PCDH17: variants seen among roughly 807,000 people sequenced by gnomAD.
The protein encoded by PCDH17 is protocadherin 17, also known as protocadherin-17.
In PCDH17, 21 loss-of-function variants were observed where a neutral mutation model predicts 67.7. The observed-to-expected ratio is 0.31, with a 90% CI of 0.22 to 0.45. PCDH17 has a LOEUF of 0.45. Among genes scored for constraint, PCDH17 ranks in the 20% least tolerant of loss-of-function variants. PCDH17 has a pLI of 1.00. For missense variants in PCDH17, 1,471 were observed against 1,564.8 expected, an observed-to-expected ratio of 0.94 and a Z score of 1.01; for synonymous variants, 701 against 656.7, an observed-to-expected ratio of 1.07 and a Z score of -1.03.
At chr13:57,719,538 G>T (rs1437206052) in intron 3 of PCDH17, among the ~76,000 whole-genome samples, 1 of 152,052 alleles carries the variant, frequency 6.6e-6, no homozygotes, top group African/African-American at 2.4e-5. Flanking sequence ...GTACAAATAT[G>T]TAAGTTCCCA....
intron 3 of PCDH17, among the ~76,000 whole-genome samples, chr13:57,690,088 C>T (rs1225247361): frequency 6.6e-6 from 1 of 151,588 alleles, no homozygotes; most frequent in Admixed American, 6.6e-5. Context: ...AGAATCTTCA[C>T]ATAACCAGGC....
In PCDH17 at chr13:57,646,990, C is replaced by T. The variant is rs146053207; in HGVS notation, c.2565+11879C>T. ...TGCCAGGAACAAGTTTTCTCTTAGA[C>T]ACCATCAACCAGAAACTGGGCTTGT... On this transcript the variant is annotated intron_variant, in intron 1 of 3. Transcript: ENST00000377918. 2.2e-3 allele frequency among the ~76,000 whole-genome samples: 329 copies of T among 151,924 alleles called. 1 individual carries two copies. The highest frequency in any genetic ancestry group is 7.0e-3 in the Admixed American group (106 of 15,226).
At chr13:57,673,765 C>T (rs1374416594) in intron 3 of PCDH17, among the ~76,000 whole-genome samples, 2 of 151,858 alleles carry the variant, frequency 1.3e-5, no homozygotes, top group Non-Finnish European at 2.9e-5. Flanking sequence ...GCAGTATTTG[C>T]CAGGACTTCC....
At chr13:57,675,106 G>A (rs1176786492) in intron 3 of PCDH17, among the ~76,000 whole-genome samples, 2 of 151,868 alleles carry the variant, frequency 1.3e-5, no homozygotes, top group Non-Finnish European at 2.9e-5. Flanking sequence ...CTTACCTGAA[G>A]GAAATCTGAA....
chr13:57,643,551 AT>A (rs1415840200), intron 1 of PCDH17, among the ~76,000 whole-genome samples: 2 of 151,652 alleles, frequency 1.3e-5, no homozygotes, highest in Non-Finnish European at 1.5e-5. Context: ...TCCCACCAGA[AT>A]TCATGCCTTC....
intron 1 of PCDH17, among the ~76,000 whole-genome samples, chr13:57,637,118 G>A (rs989553136): frequency 6.6e-6 from 1 of 151,830 alleles, no homozygotes; most frequent in African/African-American, 2.4e-5. Flanking sequence ...ACACACGTGC[G>A]CACACACACA....
Position 57,634,298 on chromosome 13 carries a change from G to T in PCDH17, c.1752G>T (p.Val584=). 6.2e-7 allele frequency: 1 copy of T among 1,613,046 alleles called. No homozygotes were observed. The highest frequency in any genetic ancestry group is 8.5e-7 in the Non-Finnish European group (1 of 1,180,032). Residue 584 remains valine (V), a synonymous_variant, in exon 1 of 4, where the codon GTG becomes GTT. Transcript: ENST00000377918. This position sits in a 1 kb window ranked among gnomAD's most constrained non-coding sequence, Gnocchi z 7.8. ...TGAATGACAACGCGCCAGTGATCGT[G>T]CTCCCCACGCTGCAGAACGACACCG... is the stretch of plus-strand genomic sequence containing the variant. ...LDVNDNAPVI[V]LPTLQNDTAE...
intron 1 of PCDH17, among the ~76,000 whole-genome samples, chr13:57,637,473 T>G (rs975249147): frequency 6.6e-6 from 1 of 151,928 alleles, no homozygotes; most frequent in Non-Finnish European, 1.5e-5. Flanking sequence ...GCAAACACAC[T>G]GTGCTAAAGT....
intron 1 of PCDH17, among the ~76,000 whole-genome samples, chr13:57,664,045 T>G (rs1348898314): frequency 6.6e-6 from 1 of 151,856 alleles, no homozygotes; most frequent in African/African-American, 2.4e-5. Context: ...CTGGGACAGG[T>G]GGGCGCCACC....
intron 3 of PCDH17, among the ~76,000 whole-genome samples, chr13:57,689,545 TA>T (rs796377943): frequency 2.0e-5 from 3 of 152,170 alleles, no homozygotes; most frequent in African/African-American, 7.2e-5. Flanking sequence ...TCTCTTACAG[TA>T]AAGTACCAAA....
chr13:57,704,492 A>T (rs916402310), intron 3 of PCDH17, among the ~76,000 whole-genome samples: 1 of 151,808 alleles, frequency 6.6e-6, no homozygotes, highest in African/African-American at 2.4e-5. Flanking sequence ...TGATAGATAA[A>T]TATTAGGAAT....
chr13:57,649,400 A>G (rs1240966619), intron 1 of PCDH17, among the ~76,000 whole-genome samples: 1 of 152,150 alleles, frequency 6.6e-6, no homozygotes, highest in Non-Finnish European at 1.5e-5. Context: ...AACACACAGC[A>G]AATGTGAATA....
intron 1 of PCDH17, among the ~76,000 whole-genome samples, chr13:57,643,112 C>T (rs1351073862): frequency 6.6e-6 from 1 of 151,274 alleles, no homozygotes; most frequent in African/African-American, 2.4e-5. Flanking sequence ...TTTTTCACGG[C>T]GACATAGAAA....
At position 57,632,469 on chromosome 13, in the gene PCDH17, C is replaced by T. The variant is rs1259021300; in HGVS notation, c.-78C>T. ...CTCGCGTCGCGCGCGCACGCTGCGC[C>T]AGGGCCCCAGGCTGGCGCGCACTCC... On this transcript the variant is annotated 5_prime_UTR_variant, in exon 1 of 4. Coordinates refer to ENST00000377918, the MANE Select transcript of PCDH17 (RefSeq NM_001040429.3). The T allele has an allele frequency of 6.9e-7, 1 of 1,451,240 alleles. No individual in the cohort carries two copies. The highest frequency in any genetic ancestry group is 9.3e-7 in the Non-Finnish European group (1 of 1,080,078). The allele number at this position is 1,451,240 out of a possible 1,614,324, so 89.9% of individuals were successfully genotyped here.
chr13:57,718,577 G>T (rs1292122910), intron 3 of PCDH17, among the ~76,000 whole-genome samples: 1 of 151,802 alleles, frequency 6.6e-6, no homozygotes, highest in Non-Finnish European at 1.5e-5. Flanking sequence ...GTTTTTATAG[G>T]ATCAGAAAAG....
intron 3 of PCDH17, among the ~76,000 whole-genome samples, chr13:57,671,596 A>G (rs928298948): frequency 2.0e-5 from 3 of 152,022 alleles, no homozygotes; most frequent in African/African-American, 7.2e-5. Flanking sequence ...CTTCATGAAA[A>G]GATTTAATAA....
chr13:57,724,976 G>T lies in PCDH17; in HGVS notation c.3162G>T (p.Leu1054=), dbSNP rs1955902200. The part of the protein sequence containing the change: ...IEPCTSTKGS[L]DGCEAKPGAL... ...CTTGCACCTCAACAAAAGGCTCCCT[G>T]GATGGCTGTGAAGCAAAACCAGGAG... The change falls in exon 4 of 4, where the codon CTG becomes CTT. Residue 1054 remains leucine (L), a synonymous_variant. Transcript: ENST00000377918. The T allele has an allele frequency of 6.2e-7, 1 of 1,614,010 alleles. No homozygotes were observed. Among genetic ancestry groups the T allele is most frequent in the African/African-American group, 1.3e-5 (1 of 74,928 alleles).
In PCDH17 at chr13:57,633,093, G is replaced by A. The variant is rs1327604697; in HGVS notation, c.547G>A (p.Val183Ile). The change falls in exon 1 of 4, where the codon GTT (valine) becomes ATT (isoleucine). Residue 183 changes from valine (V) to isoleucine (I), a missense_variant. Transcript: ENST00000377918. This position sits in a 1 kb window ranked among gnomAD's most constrained non-coding sequence, Gnocchi z 6.2. ...CGATCACGGCCTCTTTGGACTGGAC[G>A]TTAAGTCCCGCGGCGACGGCACCAA... ...RDDHGLFGLD[V>I]KSRGDGTKFP... 1 of 1,613,316 alleles carries A rather than the reference G, an allele frequency of 6.2e-7. No homozygotes were observed. Among genetic ancestry groups the A allele is most frequent in the Non-Finnish European group, 8.5e-7 (1 of 1,179,972 alleles).
chr13:57,667,554 G>A (rs538972045), intron 3 of PCDH17, among the ~76,000 whole-genome samples: 18 of 151,916 alleles, frequency 1.2e-4, no homozygotes, highest in African/African-American at 3.9e-4. Flanking sequence ...ACTGTGAATA[G>A]GTTTTTTATG....
Sources: allele counts gnomAD v4.1 joint callset (sites outside exome capture counted in the v4.1 genomes callset), GRCh38; gene constraint gnomAD v4.1.1; non-coding constraint Gnocchi (gnomAD v3.1); transcripts MANE v1.5; gene names NCBI Gene and HGNC (gene_info 2026-07-23, HGNC 2026-07-21).